UPF3B: variants seen among roughly 807,000 people sequenced by gnomAD.
The protein encoded by UPF3B is regulator of nonsense transcripts 3B.
In UPF3B, 7 loss-of-function variants were observed where a neutral mutation model predicts 40.3. The observed-to-expected ratio is 0.17, with a 90% CI of 0.10 to 0.33. The LOEUF (loss-of-function observed/expected upper bound fraction) is 0.33. UPF3B is among the 10% of genes least tolerant of loss of function. The pLI is 1.00. For synonymous variants in UPF3B, 117 were observed against 117.3 expected, an observed-to-expected ratio of 1.00 and a Z score of 0.01; for missense variants, 229 against 358.9, an observed-to-expected ratio of 0.64 and a Z score of 2.93.
At chrX:119,826,087 G>A (rs1422026414) in intron 3 of UPF3B, among the ~76,000 whole-genome samples, 1 of 111,836 alleles carries the variant, frequency 8.9e-6, no homozygotes, top group Non-Finnish European at 1.9e-5. Flanking sequence ...CTTGTGCCCG[G>A]GAGGCGGAGC....
chrX:119,835,893 C>G (rs927177517), intron 10 of UPF3B, among the ~76,000 whole-genome samples: 1 of 111,370 alleles, frequency 9.0e-6, no homozygotes, highest in African/African-American at 3.3e-5. Flanking sequence ...AGGGGGATGG[C>G]TTAAGCCCAG....
At chrX:119,845,938 T>G (rs1883134757) in intron 3 of UPF3B, among the ~76,000 whole-genome samples, 1 of 111,445 alleles carries the variant, frequency 9.0e-6, no homozygotes, top group African/African-American at 3.3e-5. Flanking sequence ...TATTTCATAA[T>G]GTATATATGT....
downstream of UPF3B, among the ~76,000 whole-genome samples, chrX:119,833,582 C>T (rs1251392222): frequency 8.9e-6 from 1 of 111,975 alleles, no homozygotes; most frequent in African/African-American, 3.2e-5. Flanking sequence ...TCTTGACTCA[C>T]TGCAATCTCC....
chrX:119,844,085 T>C (rs2056198462), intron 4 of UPF3B, among the ~76,000 whole-genome samples: 1 of 111,251 alleles, frequency 9.0e-6, no homozygotes, highest in Non-Finnish European at 1.9e-5. Flanking sequence ...AGTTTTGCTT[T>C]TGTTGTCCAG....
At chrX:119,836,855 T>C (rs1393890724) in intron 10 of UPF3B, among the ~76,000 whole-genome samples, 1 of 108,554 alleles carries the variant, frequency 9.2e-6, no homozygotes, top group Non-Finnish European at 1.9e-5. Context: ...TTTCACCATG[T>C]TAGCCAGGAT....
At chrX:119,839,708 C>G (rs1225547926) in intron 8 of UPF3B, among the ~76,000 whole-genome samples, 1 of 111,792 alleles carries the variant, frequency 8.9e-6, no homozygotes, top group Non-Finnish European at 1.9e-5. Flanking sequence ...AATGGTGAGT[C>G]CAAAATGGAC....
At chrX:119,848,280 T>TAAAA (rs2056258663) in intron 3 of UPF3B, among the ~76,000 whole-genome samples, 1 of 30,548 alleles carries the variant, frequency 3.3e-5, no homozygotes, top group African/African-American at 3.2e-4. Flanking sequence ...AGACTCCATC[T>TAAAA]CAAAAAAAAA....
At chrX:119,821,352 G>C (rs956173224) in intron 4 of UPF3B, among the ~76,000 whole-genome samples, 2 of 112,831 alleles carry the variant, frequency 1.8e-5, no homozygotes, top group Middle Eastern at 4.6e-3. Context: ...TTATAGCAAT[G>C]CAAGAACGGC....
intron 9 of UPF3B, 108 bp from the exon 10 acceptor site, chrX:119,838,159 G>A: frequency 9.6e-7 from 1 of 1,044,808 alleles, no homozygotes; most frequent in East Asian, 3.0e-5. Context: ...CACTTTTAGA[G>A]CAGAGTGAAA....
rs921965561 is a variant in UPF3B at position 119,841,065 on chromosome X, C to T, written c.807+11G>A. ...TTTAGCAACATGCAGTCAGTTTCAA[C>T]ATTCTTATACCTTAATCTTTGGTTC... On this transcript the variant is annotated intron_variant, in intron 7 of 10. Coordinates refer to ENST00000276201, the MANE Select transcript of UPF3B (RefSeq NM_080632.3). 1 of 1,208,714 alleles carries T rather than the reference C, an allele frequency of 8.3e-7. No homozygotes were observed.
chrX:119,815,680 G>A (rs1339659825), intron 4 of UPF3B, among the ~76,000 whole-genome samples: 1 of 111,312 alleles, frequency 9.0e-6, no homozygotes, highest in African/African-American at 3.3e-5. Context: ...ACCACACTGG[G>A]CTAAGTTTTA....
intron 5 of UPF3B, among the ~76,000 whole-genome samples, chrX:119,809,538 T>C (rs1472872131): frequency 9.0e-6 from 1 of 111,525 alleles, no homozygotes; most frequent in Admixed American, 9.6e-5. Context: ...CTGGCCAACA[T>C]GGTGAAACCT....
intron 7 of UPF3B, 115 bp from the exon 8 acceptor site, chrX:119,840,799 A>C (rs947360959): frequency 3.3e-5 from 25 of 767,981 alleles, no homozygotes; most frequent in Non-Finnish European, 4.9e-5. Flanking sequence ...TTTACTATGA[A>C]TTTAGAGGAC....
chrX:119,823,608 G>C (rs1314536177), intron 3 of UPF3B, among the ~76,000 whole-genome samples: 1 of 88,734 alleles, frequency 1.1e-5, no homozygotes, highest in African/African-American at 4.5e-5. Flanking sequence ...CTGTTGCCCA[G>C]ACTGGAGTAC....
chrX:119,812,541 A>G (rs138233577), intron 5 of UPF3B, among the ~76,000 whole-genome samples: 3,901 of 111,184 alleles, frequency 0.035, 139 homozygotes, highest in African/African-American at 0.12. Context: ...GCGGCATCCA[A>G]CCCTGCTGGC....
In UPF3B at chrX:119,852,839, C is replaced by G; in HGVS notation, c.90G>C (p.Ser30=). ...TATCTTCCCCCTTGGAGCTGTCCCCCGAGGTCCCACCACCGCTGCCTGTGG... is the reference window on the plus strand; with the variant it reads ...TATCTTCCCCCTTGGAGCTGTCCCCGGAGGTCCCACCACCGCTGCCTGTGG... The part of the protein sequence containing the change: ...AGATGSGGGT[S]GDSSKGEDKQ... The change falls in exon 1 of 11, where the codon TCG becomes TCC. Residue 30 remains serine (S), a synonymous_variant. Coordinates refer to ENST00000276201, the MANE Select transcript of UPF3B (RefSeq NM_080632.3). The G allele has an allele frequency of 4.1e-6, 5 of 1,212,425 alleles. No homozygotes were observed. Among genetic ancestry groups the G allele is most frequent in the Non-Finnish European group, 5.6e-6 (5 of 895,663 alleles).
In UPF3B at chrX:119,838,514, G is replaced by C; in HGVS notation, c.860C>G (p.Pro287Arg). 1 of 1,208,772 alleles carries C rather than the reference G, an allele frequency of 8.3e-7. No homozygotes were observed. Among genetic ancestry groups the C allele is most frequent in the Non-Finnish European group, 1.1e-6 (1 of 894,288 alleles). ...AVNQKNLLKKPEKGDEKELDK... is the reference protein window; with the variant it reads ...AVNQKNLLKKREKGDEKELDK... Reference sequence around the variant, plus strand: ...CAATTCTTTTTCATCTCCTTTTTCTGGCTTCTTGAGCAGCTTTAAAGATAA... The same window carrying C: ...CAATTCTTTTTCATCTCCTTTTTCTCGCTTCTTGAGCAGCTTTAAAGATAA... The change falls in exon 9 of 11, where the codon CCA (proline) becomes CGA (arginine). Residue 287 changes from proline (P) to arginine (R), a missense_variant. Transcript: ENST00000276201.
At chrX:119,842,013 A>G (rs1010817014) in intron 5 of UPF3B, among the ~76,000 whole-genome samples, 2 of 112,495 alleles carry the variant, frequency 1.8e-5, no homozygotes, top group Non-Finnish European at 3.7e-5. Context: ...ATAATTTATT[A>G]AAAGAGTCAT....
At chrX:119,848,785 A>C (rs2056265843) in intron 3 of UPF3B, among the ~76,000 whole-genome samples, 1 of 111,587 alleles carries the variant, frequency 9.0e-6, no homozygotes, top group African/African-American at 3.3e-5. Flanking sequence ...AATCATAGAT[A>C]CATAAAGTAG....
Sources: allele counts gnomAD v4.1 joint callset (sites outside exome capture counted in the v4.1 genomes callset), GRCh38; gene constraint gnomAD v4.1.1; transcripts MANE v1.5; gene names NCBI Gene and HGNC (gene_info 2026-07-23, HGNC 2026-07-21).